Variants in MARK1 observed in about 807,000 individuals in gnomAD.
The protein encoded by MARK1 is serine/threonine-protein kinase MARK1.
A neutral mutation model predicts 96.3 loss-of-function variants in MARK1; 40 were observed. That is an observed-to-expected ratio of 0.42 (90% CI 0.32 to 0.54). MARK1 has a LOEUF of 0.54. Ranked by LOEUF, MARK1 falls within the 20% of genes least tolerant of loss-of-function variation. The probability of loss-of-function intolerance (pLI) is 0.16; values close to 1 mark genes in which losing one functional copy is unlikely to be tolerated. For synonymous variants in MARK1, 317 were observed against 341.2 expected, an observed-to-expected ratio of 0.93 and a Z score of 0.78; for missense variants, 719 against 984.6, an observed-to-expected ratio of 0.73 and a Z score of 3.61.
At position 220,604,147 on chromosome 1, in the gene MARK1, G is replaced by T. The variant is rs1005546161; in HGVS notation, c.495+10G>T. 3.1e-6 allele frequency: 5 copies of T among 1,598,734 alleles called. No homozygotes were observed. The highest frequency in any genetic ancestry group is 1.7e-5 in the Admixed American group (1 of 58,980). On this transcript the variant is annotated intron_variant, in intron 6 of 17. Transcript: ENST00000366917. The stretch of plus-strand genomic sequence containing the variant: ...TGCAAAATTTAGGCAGGTATGGAAA[G>T]TAGTTTTCAACTTTGTTTTGCTGAT...
chr1:220,590,134 G>A (rs1241405848), intron 3 of MARK1, among the ~76,000 whole-genome samples: 1 of 152,096 alleles, frequency 6.6e-6, no homozygotes, highest in East Asian at 1.9e-4. Context: ...CATTAGCTTC[G>A]GTCTCTTTCT....
intron 3 of MARK1, among the ~76,000 whole-genome samples, chr1:220,592,125 A>G (rs1232946213): frequency 1.3e-5 from 2 of 151,738 alleles, no homozygotes; most frequent in African/African-American, 4.8e-5. Flanking sequence ...ACTTTTGCAT[A>G]ATCCCTTCCC....
chr1:220,659,108 T>C (rs2103072884), intron 17 of MARK1, among the ~76,000 whole-genome samples: 1 of 152,362 alleles, frequency 6.6e-6, no homozygotes, highest in Non-Finnish European at 1.5e-5. Flanking sequence ...ATTATAAGAA[T>C]TAGTAACTGA....
chr1:220,662,212 G>A lies in MARK1; in HGVS notation c.*46G>A. ...TCAGGGAAGATACATACATATATGA[G>A]GTACAGTTTTTGAATGTACTGGTAA... On this transcript the variant is annotated 3_prime_UTR_variant, in exon 18 of 18. Transcript: ENST00000366917. 2 of 1,440,670 alleles carry A rather than the reference G, an allele frequency of 1.4e-6. No individual in the cohort carries two copies. The highest frequency in any genetic ancestry group is 1.8e-5 in the Admixed American group (1 of 55,324). The allele number at this position is 1,440,670 out of a possible 1,614,324, so 89.2% of individuals were successfully genotyped here.
intron 6 of MARK1, among the ~76,000 whole-genome samples, chr1:220,605,052 A>C (rs1302314226): frequency 1.3e-5 from 2 of 149,006 alleles, no homozygotes; most frequent in African/African-American, 2.4e-5. Flanking sequence ...AAATACTGAT[A>C]TAAGATCTTT....
At chr1:220,640,437 T>C (rs1276691632) in intron 13 of MARK1, among the ~76,000 whole-genome samples, 3 of 152,176 alleles carry the variant, frequency 2.0e-5, no homozygotes, top group African/African-American at 7.2e-5. Flanking sequence ...ACTGGCCAGT[T>C]GATAGCATGG....
intron 1 of MARK1, 83 bp downstream of exon 1, chr1:220,528,956 C>G: frequency 1.4e-6 from 2 of 1,406,070 alleles, no homozygotes; most frequent in East Asian, 2.8e-5. Flanking sequence ...GGGCCGTCCC[C>G]CGTGCCTCGG....
At chr1:220,653,414 T>C in intron 16 of MARK1, 62 bp downstream of exon 16, 1 of 1,490,816 alleles carries the variant, frequency 6.7e-7, no homozygotes, top group South Asian at 1.3e-5. Flanking sequence ...AACTAGACTT[T>C]TTAAAAAAAT....
intron 5 of MARK1, among the ~76,000 whole-genome samples, chr1:220,600,897 T>TC (rs1161781739): frequency 2.0e-5 from 3 of 151,336 alleles, no homozygotes; most frequent in South Asian, 4.2e-4. Context: ...TTTTTCTTTT[T>TC]TTTTTTTTAT....
At position 220,636,016 on chromosome 1, in the gene MARK1, C is replaced by T; in HGVS notation, c.1460C>T (p.Thr487Ile). 4 of 1,610,540 alleles carry T rather than the reference C, an allele frequency of 2.5e-6. No homozygotes were observed. The highest frequency in any genetic ancestry group is 3.4e-6 in the Non-Finnish European group (4 of 1,178,442). ...LVGPERKKSS[T>I]IPSNNVYSGG... ...GGGCCAGAGAGGAAAAAATCTTCAA[C>T]TATTCCAAGTGTGAGTAAATACTCT... The change falls in exon 13 of 18, where the codon ACT (threonine) becomes ATT (isoleucine). Residue 487 changes from threonine (T) to isoleucine (I), a missense_variant. Physicochemically the swap from Thr to Ile is moderately conservative, Grantham distance 89. Transcript: ENST00000366917.
chr1:220,626,904 A>T, intron 9 of MARK1: 3 of 494,862 alleles, frequency 6.1e-6, no homozygotes, highest in South Asian at 5.0e-5. Context: ...TGATGCTGGG[A>T]GGAAGTGGTT....
At position 220,662,288 on chromosome 1, in the gene MARK1, T is replaced by G; in HGVS notation, c.*122T>G. The G allele has an allele frequency of 1.5e-6, 1 of 673,452 alleles. No individual in the cohort carries two copies. The highest frequency in any genetic ancestry group is 2.5e-6 in the Non-Finnish European group (1 of 400,284). 41.7% of individuals were successfully genotyped at this position (673,452 alleles called of 1,614,324 possible). On this transcript the variant is annotated 3_prime_UTR_variant, in exon 18 of 18. Transcript: ENST00000366917. ...CTCCCCATGTAGAATTTGCCCTTAA[T>G]GCAATAAGGTTATACATAGTTATGA...
intron 11 of MARK1, among the ~76,000 whole-genome samples, chr1:220,633,974 G>A (rs1667812510): frequency 1.3e-5 from 2 of 152,170 alleles, no homozygotes; most frequent in South Asian, 2.1e-4. Flanking sequence ...GCACACAGTA[G>A]TGTGCCAGGA....
Position 220,652,110 on chromosome 1 carries a change from C to T in MARK1, c.1696C>T (p.Leu566=), listed in dbSNP as rs1558325698. Residue 566 remains leucine (L), a synonymous_variant, in exon 15 of 18, where the codon CTG becomes TTG. Coordinates refer to ENST00000366917, the MANE Select transcript of MARK1 (RefSeq NM_018650.5). ...STSGHPIKVT[L]PTIKDGSEAY... Reference sequence around the variant, plus strand: ...TTCTGGTCATCCTATTAAAGTCACACTGCCAACCATTAAAGACGGCTCTGA... The same window carrying T: ...TTCTGGTCATCCTATTAAAGTCACATTGCCAACCATTAAAGACGGCTCTGA... The T allele has an allele frequency of 6.2e-7, 1 of 1,613,222 alleles. No homozygotes were observed. The highest frequency in any genetic ancestry group is 1.7e-5 in the Admixed American group (1 of 60,000).
At chr1:220,532,231 A>G (rs2102685520) in intron 1 of MARK1, among the ~76,000 whole-genome samples, 1 of 152,318 alleles carries the variant, frequency 6.6e-6, no homozygotes, top group East Asian at 1.9e-4. Flanking sequence ...CGGTGATTAT[A>G]ATGATTACCT....
intron 12 of MARK1, 90 bp from the exon 13 acceptor site, chr1:220,635,743 T>C: frequency 8.1e-7 from 1 of 1,232,116 alleles, no homozygotes; most frequent in Non-Finnish European, 1.1e-6. Flanking sequence ...CATGCAAATA[T>C]GGATAATTTT....
At chr1:220,529,623 T>C (rs1173595016) in intron 1 of MARK1, among the ~76,000 whole-genome samples, 1 of 152,194 alleles carries the variant, frequency 6.6e-6, no homozygotes, top group Non-Finnish European at 1.5e-5. Flanking sequence ...CCTTGGAGTG[T>C]CACAAGGTGC....
chr1:220,661,787 C>A, intron 17 of MARK1, 25 bp from the exon 18 acceptor site: 1 of 1,523,646 alleles, frequency 6.6e-7, no homozygotes, highest in Non-Finnish European at 8.9e-7. Context: ...TGCTTTCATT[C>A]TTTCCCTTTG....
At chr1:220,649,308 T>C (rs1558323304) in intron 13 of MARK1, among the ~76,000 whole-genome samples, 1 of 152,216 alleles carries the variant, frequency 6.6e-6, no homozygotes, top group South Asian at 2.1e-4. Flanking sequence ...ACTGTATTCT[T>C]CTCAAGTTCT....
Sources: gnomAD v4.1 joint callset for allele counts (sites outside exome capture counted in the v4.1 genomes callset) on GRCh38, gnomAD v4.1.1 for gene constraint, MANE v1.5 for transcripts, NCBI Gene and HGNC (gene_info 2026-07-23, HGNC 2026-07-21) for gene names.